The following HMSD variants were observed in gnomAD, a reference collection of about 807,000 sequenced individuals.
HMSD encodes serpin-like protein HMSD.
Under a neutral mutation model 10.0 loss-of-function variants are expected in HMSD, and 13 were observed. That is an observed-to-expected ratio of 1.31 (90% CI 0.85 to 2.08). The LOEUF (loss-of-function observed/expected upper bound fraction) is 2.08, where lower values mean the gene tolerates loss of function less well. HMSD is among the 30% of genes most tolerant of loss of function. HMSD has a pLI of 0.00. For missense variants in HMSD, 169 were observed against 166.3 expected (o/e 1.02, Z -0.09); for synonymous variants, 51 against 54.2 (o/e 0.94, Z 0.26).
chr18:63,953,223 T>C (rs1372503175), intron 1 of HMSD, 131 bp from the exon 2 acceptor site: 2 of 448,458 alleles, frequency 4.5e-6, no homozygotes, highest in Non-Finnish European at 8.3e-6. Flanking sequence ...AGCCCTAGTG[T>C]AGTTTTTGTG....
chr18:63,956,573 C>G (rs1179779696), intron 3 of HMSD, among the ~76,000 whole-genome samples: 1 of 152,058 alleles, frequency 6.6e-6, no homozygotes, highest in East Asian at 1.9e-4. Flanking sequence ...ATTAAAATGT[C>G]AAAAAACAGA....
chr18:63,961,515 T>C lies in HMSD; in HGVS notation c.*1160T>C, dbSNP rs1414799564. 1 of 152,060 alleles carries C rather than the reference T, an allele frequency of 6.6e-6. No homozygotes were observed. The highest frequency in any genetic ancestry group is 1.5e-5 in the Non-Finnish European group (1 of 68,054). The allele number at this position is 152,060 out of a possible 1,614,324, so 9.4% of individuals were successfully genotyped here. ...GGCCTGGCCATGAAGTCCCCTGCTC[T>C]TGTCAGATATGTGCACCCTATTCAC... On this transcript the variant is annotated 3_prime_UTR_variant, in exon 4 of 4. Transcript: ENST00000408945.
At chr18:63,954,985 C>T (rs562891581) in intron 3 of HMSD, among the ~76,000 whole-genome samples, 27 of 152,342 alleles carry the variant, frequency 1.8e-4, no homozygotes, top group Non-Finnish European at 2.2e-4. Flanking sequence ...TGGTTGCATT[C>T]GCTGACAATG....
chr18:63,951,782 G>T (rs920248583), intron 1 of HMSD, among the ~76,000 whole-genome samples: 6 of 152,124 alleles, frequency 3.9e-5, no homozygotes, highest in African/African-American at 1.4e-4. Context: ...AAATTAGGAA[G>T]GCAATTTATA....
downstream of HMSD, among the ~76,000 whole-genome samples, chr18:63,962,591 A>G (rs111609057): frequency 8.7e-4 from 133 of 152,132 alleles, no homozygotes; most frequent in Middle Eastern, 3.4e-3. Context: ...AAGCATTGCT[A>G]CCCCCTCCAG....
chr18:63,953,671 A>T (rs1399744749), intron 2 of HMSD, 144 bp downstream of exon 2: 2 of 718,738 alleles, frequency 2.8e-6, no homozygotes, highest in East Asian at 2.8e-5. Flanking sequence ...AATTGGCAGG[A>T]TGGAGCATGT....
intron 3 of HMSD, among the ~76,000 whole-genome samples, chr18:63,959,869 CTCAG>C (rs1409879073): frequency 6.6e-6 from 1 of 152,108 alleles, no homozygotes; most frequent in Non-Finnish European, 1.5e-5. Flanking sequence ...TTGGAGATTT[CTCAG>C]TGTTTTAAAT....
Position 63,954,480 on chromosome 18 carries a change from A to G in HMSD, c.145A>G (p.Ile49Val), listed in dbSNP as rs1204164506. The G allele has an allele frequency of 1.2e-6, 2 of 1,613,630 alleles. No homozygotes were observed. Among genetic ancestry groups the G allele is most frequent in the Non-Finnish European group, 1.7e-6 (2 of 1,179,518 alleles). Reference protein sequence around the residue: ...HRGFQSLLVAINRTDTEYVLR... With the variant: ...HRGFQSLLVAVNRTDTEYVLR... ...AGGTTTTCAGTCACTTCTTGTTGCA[A>G]TTAACAGAACTGACACTGAATATGT... Residue 49 changes from isoleucine to valine, a missense_variant, in exon 3 of 4, where the codon ATT (isoleucine) becomes GTT (valine). Coordinates refer to ENST00000408945, the MANE Select transcript of HMSD (RefSeq NM_001123366.2).
intron 3 of HMSD, among the ~76,000 whole-genome samples, chr18:63,958,502 T>G (rs1430880089): frequency 6.6e-6 from 1 of 152,200 alleles, no homozygotes; most frequent in African/African-American, 2.4e-5. Context: ...CATAAATTAG[T>G]TGTTTCAGCT....
rs372466147 is a variant in HMSD at position 63,954,506 on chromosome 18, G to A, written c.171G>A (p.Val57=). Residue 57 remains valine (V), a synonymous_variant, in exon 3 of 4, where the codon GTG becomes GTA. Transcript: ENST00000408945. The part of the protein sequence containing the change: ...VAINRTDTEY[V]LRTANGLFGE... ...TTAACAGAACTGACACTGAATATGT[G>A]CTTAGAACTGCCAACGGGCTCTTTG... 2.0e-5 allele frequency: 33 copies of A among 1,613,384 alleles called. No homozygotes were observed. The African/African-American group carries it at 3.2e-4, about 16-fold the overall frequency.
Position 63,953,481 on chromosome 18 carries a change from T to C in HMSD, c.26T>C (p.Met9Thr), listed in dbSNP as rs556447852. 6.2e-7 allele frequency: 1 copy of C among 1,613,988 alleles called. No individual in the cohort carries two copies. The highest frequency in any genetic ancestry group is 1.1e-5 in the South Asian group (1 of 91,062). Residue 9 changes from methionine (M) to threonine (T), a missense_variant, in exon 2 of 4, where the codon ATG becomes ACG. Met to Thr is a moderately conservative substitution (Grantham distance 81). Transcript: ENST00000408945. MSISSALA[M>T]VFMGAKGNTA... is the part of the protein sequence containing the mutation. Reference sequence around the variant, plus strand: ...ATGAGCATATCATCAGCCTTGGCCATGGTTTTCATGGGGGCAAAGGGAAAC... The same window carrying C: ...ATGAGCATATCATCAGCCTTGGCCACGGTTTTCATGGGGGCAAAGGGAAAC...
chr18:63,965,379 C>T (rs567742933), downstream of HMSD, among the ~76,000 whole-genome samples: 10 of 152,324 alleles, frequency 6.6e-5, 1 homozygote, highest in South Asian at 1.4e-3. Flanking sequence ...AATCAAAGCA[C>T]GAAAAGATAC....
chr18:63,960,577 G>T lies in HMSD; in HGVS notation c.*222G>T. Reference sequence around the variant, plus strand: ...TAAAATTTGAATTTAAAAATTTCTAGCTGTCTCCCTCACTGGTATTGCCAT... The same window carrying T: ...TAAAATTTGAATTTAAAAATTTCTATCTGTCTCCCTCACTGGTATTGCCAT... On this transcript the variant is annotated 3_prime_UTR_variant, in exon 4 of 4. Transcript: ENST00000408945. The T allele has an allele frequency of 1.8e-6, 1 of 552,272 alleles. No individual in the cohort carries two copies. The highest frequency in any genetic ancestry group is 5.6e-5 in the East Asian group (1 of 17,806). 34.2% of individuals were successfully genotyped at this position (552,272 alleles called of 1,614,324 possible).
chr18:63,965,122 T>C (rs903636598), downstream of HMSD, among the ~76,000 whole-genome samples: 4 of 152,220 alleles, frequency 2.6e-5, no homozygotes, highest in Admixed American at 6.5e-5. Context: ...TGAAAGAGTG[T>C]GGCAGGAGAC....
At chr18:63,968,957 T>C (rs140141283) in intron 3 of HMSD, among the ~76,000 whole-genome samples, 2 of 152,346 alleles carry the variant, frequency 1.3e-5, no homozygotes, top group Non-Finnish European at 2.9e-5. Flanking sequence ...TTTTACAAAA[T>C]ACTGCTGCTG....
chr18:63,957,627 C>A (rs2050365927), intron 3 of HMSD, among the ~76,000 whole-genome samples: 1 of 152,104 alleles, frequency 6.6e-6, no homozygotes. Context: ...TTTACAACTT[C>A]ACTTATTTTA....
chr18:63,952,613 C>A (rs2050336997), intron 1 of HMSD, among the ~76,000 whole-genome samples: 1 of 152,060 alleles, frequency 6.6e-6, no homozygotes, highest in African/African-American at 2.4e-5. Context: ...CAGAATCTAA[C>A]TGGTTCTCTG....
downstream of HMSD, among the ~76,000 whole-genome samples, chr18:63,962,809 T>C (rs1468927410): frequency 6.6e-6 from 1 of 152,218 alleles, no homozygotes; most frequent in Non-Finnish European, 1.5e-5. Context: ...CGCTTCTGCA[T>C]GTGAAAGGTG....
chr18:63,956,646 T>A (rs1374946842), intron 3 of HMSD, among the ~76,000 whole-genome samples: 1 of 152,194 alleles, frequency 6.6e-6, no homozygotes, highest in Non-Finnish European at 1.5e-5. Context: ...GTAAATTAGT[T>A]CAGCCACTGT....
Sources: gnomAD v4.1 joint callset for allele counts (sites outside exome capture counted in the v4.1 genomes callset) on GRCh38, gnomAD v4.1.1 for gene constraint, MANE v1.5 for transcripts, NCBI Gene and HGNC (gene_info 2026-07-23, HGNC 2026-07-21) for gene names.